The following ARL15 variants were observed in gnomAD, a reference collection of about 807,000 sequenced individuals.
ARL15 encodes the protein ADP-ribosylation factor-like protein 15.
A neutral mutation model predicts 25.2 loss-of-function variants in ARL15; 19 were observed. That is an observed-to-expected ratio of 0.75 (90% CI 0.53 to 1.10). The LOEUF (loss-of-function observed/expected upper bound fraction) is 1.10. Among genes scored for constraint, ARL15 ranks in the 50% least tolerant of loss-of-function variants. The probability of loss-of-function intolerance (pLI) is 0.00; values close to 1 mark genes in which losing one functional copy is unlikely to be tolerated. For missense variants in ARL15, 220 were observed against 246.0 expected (o/e 0.89, Z 0.71); for synonymous variants, 94 against 86.8 (o/e 1.08, Z -0.46).
chr5:54,205,155 T>C (rs757295708), intron 1 of ARL15, among the ~76,000 whole-genome samples: 9 of 152,206 alleles, frequency 5.9e-5, no homozygotes, highest in Non-Finnish European at 1.2e-4. Flanking sequence ...TCCCAACAAC[T>C]GCAATGGCAT....
At position 54,175,460 on chromosome 5, in the gene ARL15, G is replaced by A. The variant is rs143199370; in HGVS notation, c.49-3532C>T. On this transcript the variant is annotated intron_variant, in intron 1 of 4. Transcript: ENST00000504924. ...AGTGATTCTCGTGCCTCGGCTTCCT[G>A]AGTAGCTGGGATTACAGGTATGCGC... 1.9e-3 allele frequency among the ~76,000 whole-genome samples: 284 copies of A among 151,850 alleles called. 3 individuals carry two copies. The East Asian group carries it at 0.028, about 15-fold the overall frequency.
At chr5:53,947,177 TGTG>T in intron 4 of ARL15, among the ~76,000 whole-genome samples, 1 of 66,494 alleles carries the variant, frequency 1.5e-5, no homozygotes, top group Non-Finnish European at 3.0e-5. Context: ...GGTGTGTGTG[TGTG>T]TGTGTGTGTG....
At chr5:54,017,277 C>T (rs1330498236) in intron 4 of ARL15, among the ~76,000 whole-genome samples, 1 of 152,118 alleles carries the variant, frequency 6.6e-6, no homozygotes, top group Non-Finnish European at 1.5e-5. Flanking sequence ...GCACCCTGGC[C>T]AGTCATTTTT....
intron 3 of ARL15, among the ~76,000 whole-genome samples, chr5:54,114,152 C>A (rs1454510296): frequency 6.6e-6 from 1 of 152,020 alleles, no homozygotes; most frequent in Non-Finnish European, 1.5e-5. Flanking sequence ...AATCTCAGTA[C>A]TTTTGGAGGC....
chr5:54,206,012 T>C (rs553085307), intron 1 of ARL15, among the ~76,000 whole-genome samples: 2 of 152,254 alleles, frequency 1.3e-5, no homozygotes, highest in East Asian at 1.9e-4. Flanking sequence ...CCAGAATCTG[T>C]ATTTTTTCTT....
rs540031285 is a variant in ARL15, at chr5:54,150,293, T to G, written c.253+4287A>C. 3.9e-5 allele frequency among the ~76,000 whole-genome samples: 6 copies of G among 152,314 alleles called. No homozygotes were observed. The East Asian group carries it at 5.8e-4, about 15-fold the overall frequency. ...TAGTTTGGAAAGTAGAAGTAAGACTTTGATTCAGAAGGTAGTCTTGAAGAA... is the reference window on the plus strand; with the variant it reads ...TAGTTTGGAAAGTAGAAGTAAGACTGTGATTCAGAAGGTAGTCTTGAAGAA... On this transcript the variant is annotated intron_variant, in intron 3 of 4. Transcript: ENST00000504924.
At chr5:53,996,431 C>G (rs1298007172) in intron 4 of ARL15, among the ~76,000 whole-genome samples, 1 of 152,030 alleles carries the variant, frequency 6.6e-6, no homozygotes, top group East Asian at 1.9e-4. Context: ...CCAGCTTTGC[C>G]AGCATGGCAA....
chr5:54,268,842 T>C (rs1185940452), intron 1 of ARL15, among the ~76,000 whole-genome samples: 3 of 152,172 alleles, frequency 2.0e-5, no homozygotes, highest in East Asian at 1.9e-4. Context: ...CGATGATATA[T>C]TGGATTAAGA....
chr5:53,990,608 T>A (rs1313556165), intron 4 of ARL15, among the ~76,000 whole-genome samples: 1 of 152,156 alleles, frequency 6.6e-6, no homozygotes, highest in Non-Finnish European at 1.5e-5. Flanking sequence ...GATCTCCAGA[T>A]GCAATACAAC....
chr5:53,962,863 AT>A (rs1158240992), intron 4 of ARL15, among the ~76,000 whole-genome samples: 1 of 152,050 alleles, frequency 6.6e-6, no homozygotes, highest in African/African-American at 2.4e-5. Flanking sequence ...AGGTTTTTTT[AT>A]TTTTATTTTT....
intron 3 of ARL15, among the ~76,000 whole-genome samples, chr5:54,126,557 A>G (rs978619898): frequency 3.9e-5 from 6 of 152,236 alleles, no homozygotes; most frequent in Non-Finnish European, 7.3e-5. Flanking sequence ...GTGTCCCCCA[A>G]AAAGCATGTA....
intron 1 of ARL15, among the ~76,000 whole-genome samples, chr5:54,219,595 T>C (rs748367102): frequency 6.6e-6 from 1 of 152,166 alleles, no homozygotes; most frequent in Admixed American, 6.5e-5. Flanking sequence ...TTTTTGTAAG[T>C]CTAGGTTTTG....
chr5:54,307,337 A>G (rs547951853), intron 1 of ARL15, among the ~76,000 whole-genome samples: 2 of 152,354 alleles, frequency 1.3e-5, no homozygotes, highest in African/African-American at 2.4e-5. Flanking sequence ...GGTGAAAAAA[A>G]GCAGAATTTT....
intron 4 of ARL15, among the ~76,000 whole-genome samples, chr5:54,060,137 A>AAAT (rs1751017849): frequency 6.7e-6 from 1 of 148,796 alleles, no homozygotes; most frequent in Admixed American, 6.6e-5. Context: ...ACTAAAAAAA[A>AAAT]AAAAAAAAAA....
intron 1 of ARL15, among the ~76,000 whole-genome samples, chr5:54,254,451 T>C (rs1382550868): frequency 6.6e-6 from 1 of 152,208 alleles, no homozygotes; most frequent in Admixed American, 6.5e-5. Context: ...ACTAAATGAA[T>C]TTGAGGACCA....
At chr5:54,123,105 T>C (rs950617665) in intron 3 of ARL15, among the ~76,000 whole-genome samples, 6 of 151,930 alleles carry the variant, frequency 3.9e-5, no homozygotes, top group African/African-American at 1.5e-4. Context: ...CTCTTCTTTT[T>C]ATATTCCTTT....
intron 1 of ARL15, among the ~76,000 whole-genome samples, chr5:54,308,804 A>G (rs1758823619): frequency 6.6e-6 from 1 of 152,342 alleles, no homozygotes; most frequent in East Asian, 1.9e-4. Flanking sequence ...TAAATTTAAA[A>G]CACATCCGGT....
At chr5:54,267,504 G>C (rs1757660742) in intron 1 of ARL15, among the ~76,000 whole-genome samples, 1 of 152,052 alleles carries the variant, frequency 6.6e-6, no homozygotes, top group South Asian at 2.1e-4. Flanking sequence ...TTGACATCTA[G>C]TTTGATAAGT....
chr5:53,997,966 T>G (rs1299464549), intron 4 of ARL15, among the ~76,000 whole-genome samples: 2 of 152,034 alleles, frequency 1.3e-5, no homozygotes, highest in African/African-American at 4.8e-5. Context: ...TCCCTCACCT[T>G]AAACACTGGC....
Sources: gnomAD v4.1 joint callset for allele counts (sites outside exome capture counted in the v4.1 genomes callset) on GRCh38, gnomAD v4.1.1 for gene constraint, MANE v1.5 for transcripts, NCBI Gene and HGNC (gene_info 2026-07-23, HGNC 2026-07-21) for gene names.